GRB10: variants seen among roughly 807,000 people sequenced by gnomAD.
The protein encoded by GRB10 is growth factor receptor bound protein 10.
A neutral mutation model predicts 80.9 loss-of-function variants in GRB10; 20 were observed. The observed-to-expected ratio is 0.25, with a 90% CI of 0.17 to 0.36. The LOEUF is 0.36. GRB10 is among the 10% of genes least tolerant of loss of function. The pLI, the probability that GRB10 is intolerant of heterozygous loss-of-function variation, is 1.00. For synonymous variants in GRB10, 291 were observed against 291.5 expected, an observed-to-expected ratio of 1.00 and a Z score of 0.02; for missense variants, 548 against 747.7, an observed-to-expected ratio of 0.73 and a Z score of 3.12.
intron 2 of GRB10, among the ~76,000 whole-genome samples, chr7:50,757,772 T>C (rs1277432250): frequency 6.6e-6 from 1 of 152,198 alleles, no homozygotes; most frequent in Non-Finnish European, 1.5e-5. Flanking sequence ...CACAACAGCA[T>C]ACGAATCACT....
Position 50,690,556 on chromosome 7 carries a change from A to G in GRB10, c.139+13265T>C, listed in dbSNP as rs1228118767. Among the ~76,000 whole-genome samples, 5 of 152,344 alleles carry G rather than the reference A, an allele frequency of 3.3e-5. No homozygotes were observed. In the East Asian group the frequency reaches 5.8e-4, roughly 18 times the overall value. ...ACTTCCTTGGACGGAAACGGTCCAT[A>G]TGTTGTGGATCATTAAATCAGAAAT... On this transcript the variant is annotated intron_variant, in intron 5 of 18. Coordinates refer to ENST00000401949, the MANE Select transcript of GRB10 (RefSeq NM_001350814.2).
intron 3 of GRB10, among the ~76,000 whole-genome samples, chr7:50,755,322 T>C (rs2074898531): frequency 6.6e-6 from 1 of 152,156 alleles, no homozygotes; most frequent in Non-Finnish European, 1.5e-5. Flanking sequence ...AAGGGCCACC[T>C]GAGGTTGACA....
At chr7:50,722,529 G>T (rs1278662498) in intron 4 of GRB10, among the ~76,000 whole-genome samples, 1 of 152,146 alleles carries the variant, frequency 6.6e-6, no homozygotes, top group African/African-American at 2.4e-5. Context: ...AGTTGATGGG[G>T]GCACATGGGC....
rs547807200 is a variant in GRB10 at position 50,674,404 on chromosome 7, G to A, written c.362+32C>T. 1.2e-4 allele frequency: 185 copies of A among 1,590,014 alleles called. 1 individual carries two copies. The South Asian group carries it at 1.6e-3, about 14-fold the overall frequency. ...TCCCTGCCGACAGCTCTCATCCTTG[G>A]AGAAGGCTCTGCCCATAAGGCCTGG... On this transcript the variant is annotated intron_variant, in intron 6 of 18. Transcript: ENST00000401949.
intron 7 of GRB10, among the ~76,000 whole-genome samples, chr7:50,629,313 G>A (rs1467250636): frequency 1.3e-5 from 2 of 151,548 alleles, no homozygotes; most frequent in African/African-American, 4.9e-5. Flanking sequence ...CCCAACCCCT[G>A]TTGTTCCACA....
At chr7:50,622,900 C>A (rs1271655720) in intron 8 of GRB10, among the ~76,000 whole-genome samples, 1 of 152,116 alleles carries the variant, frequency 6.6e-6, no homozygotes, top group Non-Finnish European at 1.5e-5. Flanking sequence ...AGGTGATCCT[C>A]CTGCCTTGGC....
chr7:50,689,628 T>C (rs1386636413), intron 5 of GRB10, among the ~76,000 whole-genome samples: 5 of 152,118 alleles, frequency 3.3e-5, no homozygotes, highest in Non-Finnish European at 5.9e-5. Context: ...CTGTAAGGAT[T>C]GACTGCAAAT....
At position 50,642,471 on chromosome 7, in the gene GRB10, CATATACACATAAATAT is replaced by C. The variant is rs538113205; in HGVS notation, c.505-15509_505-15494del. On this transcript the variant is annotated intron_variant, in intron 7 of 18. Transcript: ENST00000401949. ...TACACATGCTTCATACATACATATA[CATATACACATAAATAT>C]ATATACACATAAATATATATACACA... is the stretch of plus-strand genomic sequence containing the variant. 1.5e-3 allele frequency among the ~76,000 whole-genome samples: 225 copies of C among 152,180 alleles called. 1 individual carries two copies. The highest frequency in any genetic ancestry group is 3.4e-3 in the Middle Eastern group (1 of 294).
chr7:50,791,647 G>T (rs1447645233), intron 1 of GRB10, among the ~76,000 whole-genome samples: 2 of 152,216 alleles, frequency 1.3e-5, no homozygotes, highest in Admixed American at 1.3e-4. Context: ...AGTATCAGTC[G>T]CTACACTTCT....
chr7:50,719,121 G>C (rs2067316672), intron 4 of GRB10, among the ~76,000 whole-genome samples: 1 of 152,178 alleles, frequency 6.6e-6, no homozygotes, highest in East Asian at 1.9e-4. Context: ...CCATTTACTT[G>C]TTATAATCTG....
chr7:50,655,338 G>C (rs2058540024), intron 7 of GRB10, among the ~76,000 whole-genome samples: 1 of 152,136 alleles, frequency 6.6e-6, no homozygotes. Context: ...GCTGGCTCCT[G>C]TGTCTTTATG....
chr7:50,729,277 C>A (rs918925276), intron 4 of GRB10: 1 of 152,180 alleles, frequency 6.6e-6, no homozygotes, highest in Non-Finnish European at 1.5e-5. Flanking sequence ...TTTGGAAATT[C>A]AACAGTAAAT....
Position 50,750,140 on chromosome 7 carries a change from AG to A in GRB10, c.-47+5746del, listed in dbSNP as rs575454636. On this transcript the variant is annotated intron_variant, in intron 3 of 18. Transcript: ENST00000401949. ...CTGCAGATTGTCTACAGAAGCACAG[AG>A]GAGCCCTCCGGCAGCTCTCCGTGGG... Among the ~76,000 whole-genome samples, 16 of 152,362 alleles carry A rather than the reference AG, an allele frequency of 1.1e-4. No individual in the cohort carries two copies. In the East Asian group the frequency reaches 2.9e-3, roughly 28 times the overall value.
At chr7:50,611,399 G>T (rs535232379) in intron 13 of GRB10, among the ~76,000 whole-genome samples, 3 of 152,172 alleles carry the variant, frequency 2.0e-5, no homozygotes, top group Admixed American at 6.5e-5. Context: ...ACTGAAAACC[G>T]GCTTACACAG....
chr7:50,677,900 G>C (rs1389390813), intron 5 of GRB10, among the ~76,000 whole-genome samples: 6 of 152,178 alleles, frequency 3.9e-5, no homozygotes, highest in African/African-American at 1.4e-4. Flanking sequence ...TGTGCTGTGG[G>C]GCCACTCTGC....
intron 7 of GRB10, among the ~76,000 whole-genome samples, chr7:50,648,788 T>C (rs1475239452): frequency 6.6e-6 from 1 of 152,140 alleles, no homozygotes; most frequent in Admixed American, 6.5e-5. Flanking sequence ...TTTGAAGTAG[T>C]CCCAGGTCCT....
intron 13 of GRB10, among the ~76,000 whole-genome samples, chr7:50,610,402 G>T (rs1408785325): frequency 1.3e-5 from 2 of 152,226 alleles, no homozygotes; most frequent in Non-Finnish European, 2.9e-5. Flanking sequence ...TGTCAGGTCT[G>T]GCTCCCCAGC....
chr7:50,774,721 A>G (rs541808305), intron 2 of GRB10, among the ~76,000 whole-genome samples: 1 of 152,304 alleles, frequency 6.6e-6, no homozygotes, highest in African/African-American at 2.4e-5. Context: ...TTTCTCACAT[A>G]CAAAATACAT....
intron 1 of GRB10, among the ~76,000 whole-genome samples, chr7:50,788,939 C>T (rs758756882): frequency 6.6e-6 from 1 of 152,214 alleles, no homozygotes; most frequent in Non-Finnish European, 1.5e-5. Context: ...CCCATCAGAG[C>T]TTACGCACTG....
Sources: gnomAD v4.1 joint callset for allele counts (sites outside exome capture counted in the v4.1 genomes callset) on GRCh38, gnomAD v4.1.1 for gene constraint, MANE v1.5 for transcripts, NCBI Gene and HGNC (gene_info 2026-07-23, HGNC 2026-07-21) for gene names.